The following GALNT14 variants were observed in gnomAD, a reference collection of about 807,000 sequenced individuals.
The protein encoded by GALNT14 is polypeptide N-acetylgalactosaminyltransferase 14, also known as UDP-GalNAc:polypeptide N-acetylgalactosaminyltransferase 14.
A neutral mutation model predicts 77.5 loss-of-function variants in GALNT14; 60 were observed. The ratio of observed to expected loss-of-function variants is 0.77; its 90% CI spans 0.63 to 0.96. The LOEUF (loss-of-function observed/expected upper bound fraction) is 0.96, where lower values mean the gene tolerates loss of function less well. Among genes scored for constraint, GALNT14 ranks in the 40% least tolerant of loss-of-function variants. The pLI, the probability that GALNT14 is intolerant of heterozygous loss-of-function variation, is 0.00. For synonymous variants in GALNT14, 280 were observed against 281.7 expected (o/e 0.99, Z 0.06); for missense variants, 710 against 731.0 (o/e 0.97, Z 0.33).
chr2:31,080,025 G>A (rs553643255), intron 1 of GALNT14, among the ~76,000 whole-genome samples: 3 of 152,364 alleles, frequency 2.0e-5, no homozygotes, highest in East Asian at 1.9e-4. Context: ...CTGCAAACAT[G>A]AGGATGCCCA....
chr2:30,900,068 G>T, the GALNT14 span, among the ~76,000 whole-genome samples: 640 of 152,256 alleles, frequency 4.2e-3, 10 homozygotes, highest in South Asian at 0.031. Context: ...CTCTATTACG[G>T]GTAACTTTAC....
chr2:30,937,888 G>T (rs900327365), intron 9 of GALNT14, among the ~76,000 whole-genome samples: 10 of 152,136 alleles, frequency 6.6e-5, no homozygotes, highest in African/African-American at 2.2e-4. Flanking sequence ...TTAGGAACAG[G>T]CTCAGTGAGG....
chr2:31,131,066 G>A (rs561954036), intron 1 of GALNT14, among the ~76,000 whole-genome samples: 2 of 152,126 alleles, frequency 1.3e-5, no homozygotes, highest in Non-Finnish European at 2.9e-5. Flanking sequence ...GTTCTAGAGT[G>A]AGCTGCTCCC....
At chr2:31,037,169 T>C (rs910242888) in intron 1 of GALNT14, among the ~76,000 whole-genome samples, 3 of 152,236 alleles carry the variant, frequency 2.0e-5, no homozygotes, top group African/African-American at 7.2e-5. Flanking sequence ...TTTATATTCA[T>C]TCTTTTTTCA....
intron 8 of GALNT14, among the ~76,000 whole-genome samples, chr2:30,943,045 C>CGG (rs1558427052): frequency 6.6e-6 from 1 of 152,120 alleles, no homozygotes; most frequent in Non-Finnish European, 1.5e-5. Context: ...GGCCATCTAC[C>CGG]GGCCAAGGAG....
intron 4 of GALNT14, among the ~76,000 whole-genome samples, chr2:30,956,422 A>G (rs1279541855): frequency 6.6e-6 from 1 of 152,232 alleles, no homozygotes; most frequent in Admixed American, 6.5e-5. Flanking sequence ...TGATCCAGGC[A>G]TGCAATGTGT....
intron 2 of GALNT14, among the ~76,000 whole-genome samples, chr2:30,975,873 CAAAAAG>C (rs1409617162): frequency 1.3e-5 from 2 of 152,088 alleles, no homozygotes; most frequent in African/African-American, 2.4e-5. Flanking sequence ...ATCATCATTT[CAAAAAG>C]AAAGAGTATT....
Position 30,966,272 on chromosome 2 carries a change from A to G in GALNT14, c.330T>C (p.Leu110=). Residue 110 remains leucine (L), a synonymous_variant, in exon 3 of 15, where the codon CTT becomes CTC. Transcript: ENST00000349752. ...AGGTGATGATGATGCTAGTGGGTGG[A>G]AGGTCCGTGCAATACACCAGCAGTG... The part of the protein sequence containing the change: ...RCTLLVYCTD[L]PPTSIIITFH... The G allele has an allele frequency of 6.2e-7, 1 of 1,613,922 alleles. No individual in the cohort carries two copies. Among genetic ancestry groups the G allele is most frequent in the Non-Finnish European group, 8.5e-7 (1 of 1,179,886 alleles).
chr2:30,967,472 A>C (rs906657414), intron 2 of GALNT14, among the ~76,000 whole-genome samples: 1 of 152,146 alleles, frequency 6.6e-6, no homozygotes, highest in African/African-American at 2.4e-5. Context: ...ATTTAGAAAA[A>C]GCCAGGCAGC....
At chr2:30,887,983 T>G in the GALNT14 span, among the ~76,000 whole-genome samples, 1 of 152,212 alleles carries the variant, frequency 6.6e-6, no homozygotes, top group Non-Finnish European at 1.5e-5. Flanking sequence ...CTGGCACTTG[T>G]CCTTGATGCC....
chr2:30,986,401 G>A (rs189289804), intron 2 of GALNT14, among the ~76,000 whole-genome samples: 453 of 152,292 alleles, frequency 3.0e-3, no homozygotes, highest in Non-Finnish European at 5.0e-3. Flanking sequence ...TCCTGGAGGG[G>A]TGTGTCTCTA....
intron 2 of GALNT14, among the ~76,000 whole-genome samples, chr2:30,987,663 C>A (rs1444966247): frequency 6.6e-6 from 1 of 152,120 alleles, no homozygotes; most frequent in Non-Finnish European, 1.5e-5. Flanking sequence ...GGGATTCAAT[C>A]AGCACAGCTG....
At chr2:30,955,793 C>A in intron 5 of GALNT14, 54 bp from the exon 6 acceptor site, 1 of 1,610,246 alleles carries the variant, frequency 6.2e-7, no homozygotes, top group Non-Finnish European at 8.5e-7. Flanking sequence ...CATTGTCCAG[C>A]GAGACCAGGG....
chr2:31,016,497 C>G (rs1035709658), intron 1 of GALNT14, among the ~76,000 whole-genome samples: 1 of 152,074 alleles, frequency 6.6e-6, no homozygotes, highest in Non-Finnish European at 1.5e-5. Context: ...GAAGCTGTAC[C>G]AGGATAGAGG....
the GALNT14 span, among the ~76,000 whole-genome samples, chr2:30,900,846 A>G: frequency 6.6e-6 from 1 of 152,350 alleles, no homozygotes; most frequent in Middle Eastern, 3.4e-3. Flanking sequence ...CAGATGTGAA[A>G]ATCACAGCCT....
At chr2:31,100,553 G>A (rs1177125771) in intron 1 of GALNT14, among the ~76,000 whole-genome samples, 1 of 151,888 alleles carries the variant, frequency 6.6e-6, no homozygotes, top group Non-Finnish European at 1.5e-5. Flanking sequence ...GTTTTTGCTT[G>A]TCTAATTGCA....
intron 1 of GALNT14, among the ~76,000 whole-genome samples, chr2:31,048,541 CA>C (rs1673626263): frequency 1.3e-5 from 2 of 151,916 alleles, no homozygotes; most frequent in African/African-American, 4.8e-5. Context: ...TTCTTGGGAG[CA>C]AAAATAAGAC....
rs546040997 is a variant in GALNT14, at chr2:31,014,982, C to T, written c.130-21975G>A. 1.4e-4 allele frequency among the ~76,000 whole-genome samples: 21 copies of T among 152,174 alleles called. No individual in the cohort carries two copies. In the East Asian group the frequency reaches 3.3e-3, roughly 24 times the overall value. The stretch of plus-strand genomic sequence containing the variant: ...TGTGGCCTCTGAAGAATCAACCACT[C>T]GCTAGCTTTAAAGAGGCAGGAGCTT... On this transcript the variant is annotated intron_variant, in intron 1 of 14. Coordinates refer to ENST00000349752, the MANE Select transcript of GALNT14 (RefSeq NM_024572.4).
At chr2:30,992,369 A>G (rs1457973151) in intron 2 of GALNT14, among the ~76,000 whole-genome samples, 5 of 152,142 alleles carry the variant, frequency 3.3e-5, no homozygotes, top group Admixed American at 3.3e-4. Context: ...CTCTTCTCAC[A>G]TGGTGAAATG....
Sources: gnomAD v4.1 joint callset for allele counts (sites outside exome capture counted in the v4.1 genomes callset) on GRCh38, gnomAD v4.1.1 for gene constraint, MANE v1.5 for transcripts, NCBI Gene and HGNC (gene_info 2026-07-23, HGNC 2026-07-21) for gene names.